Variants in TPM2 observed in about 807,000 individuals in gnomAD.
TPM2 encodes the protein tropomyosin 2, also known as tropomyosin beta chain.
In TPM2, 26 loss-of-function variants were observed where a neutral mutation model predicts 41.0. The ratio of observed to expected loss-of-function variants is 0.63; its 90% CI spans 0.46 to 0.88. The LOEUF (loss-of-function observed/expected upper bound fraction) is 0.88, where lower values mean the gene tolerates loss of function less well. Ranked by LOEUF, TPM2 falls within the 40% of genes least tolerant of loss-of-function variation. The pLI is 0.00. For synonymous variants in TPM2, 143 were observed against 139.3 expected (o/e 1.03, Z -0.19); for missense variants, 187 against 355.2 (o/e 0.53, Z 3.81).
downstream of TPM2, chr9:35,682,451 A>G: frequency 7.6e-7 from 1 of 1,311,522 alleles, no homozygotes. Flanking sequence ...AGGAAGTTGG[A>G]GACAGAAGGT....
Position 35,684,318 on chromosome 9 carries a change from G to A in TPM2, c.703-3C>T. 4 of 1,614,136 alleles carry A rather than the reference G, an allele frequency of 2.5e-6. No homozygotes were observed. Among genetic ancestry groups the A allele is most frequent in the Non-Finnish European group, 3.4e-6 (4 of 1,180,020 alleles). ...GCAAACTCTGCTCGGGTCTCAGCCT[G>A]GGGGTAAAGGCAGGATGGGAGAAAT... On this transcript the variant is annotated splice_polypyrimidine_tract_variant and splice_region_variant and intron_variant, in intron 7 of 8. Coordinates refer to ENST00000645482, the MANE Select transcript of TPM2 (RefSeq NM_003289.4).
downstream of TPM2, chr9:35,682,852 T>G: frequency 7.0e-7 from 1 of 1,431,122 alleles, no homozygotes; most frequent in Non-Finnish European, 9.3e-7. Context: ...TGTCAGTAAG[T>G]GCCAGGGTGT....
Position 35,683,255 on chromosome 9 carries a change from AG to A in TPM2, c.773-15del, listed in dbSNP as rs1563926715. The A allele has an allele frequency of 6.7e-7, 1 of 1,488,560 alleles. No homozygotes were observed. The highest frequency in any genetic ancestry group is 9.1e-7 in the Non-Finnish European group (1 of 1,094,918). 92.2% of individuals were successfully genotyped at this position (1,488,560 alleles called of 1,614,324 possible). On this transcript the variant is annotated splice_polypyrimidine_tract_variant and intron_variant, in intron 8 of 8. Transcript: ENST00000645482. ...CATAGACTTCATCTGGGGGGGGTCC[AG>A]GGAGGGGACCAGGTGGGAGTGTGGG...
Position 35,685,897 on chromosome 9 carries a change from A to G in TPM2, c.241-117T>C. The G allele has an allele frequency of 6.5e-7, 1 of 1,529,702 alleles. No homozygotes were observed. The highest frequency in any genetic ancestry group is 9.0e-7 in the Non-Finnish European group (1 of 1,114,842). The allele number at this position is 1,529,702 out of a possible 1,614,324, so 94.8% of individuals were successfully genotyped here. A position where few individuals can be genotyped will look rare whatever the true frequency, so the allele number is the denominator to read the frequency against. The stretch of plus-strand genomic sequence containing the variant: ...AGAACTGAGGCTTCCTGGTTTCTAG[A>G]CATTCTATGTGATTTTTCCCCAACC... On this transcript the variant is annotated intron_variant, in intron 2 of 8. Transcript: ENST00000645482. This position sits in a 1 kb window ranked among gnomAD's most constrained non-coding sequence, Gnocchi z 5.0.
rs768912812 is a variant in TPM2, at chr9:35,689,197, G to A, written c.189C>T (p.Ser63=). 5.0e-6 allele frequency: 8 copies of A among 1,614,040 alleles called. No homozygotes were observed. Among genetic ancestry groups the A allele is most frequent in the African/African-American group, 2.7e-5 (2 of 74,924 alleles). The part of the protein sequence containing the change: ...TEDEVEKYSE[S]VKEAQEKLEQ... Reference sequence around the variant, plus strand: ...CCAGTTTCTCCTGGGCCTCCTTCACGGATTCAGAATACTTTTCCACCTCAT... The same window carrying A: ...CCAGTTTCTCCTGGGCCTCCTTCACAGATTCAGAATACTTTTCCACCTCAT... Residue 63 remains serine (S), a synonymous_variant, in exon 2 of 9, where the codon TCC becomes TCT. Coordinates refer to ENST00000645482, the MANE Select transcript of TPM2 (RefSeq NM_003289.4).
At chr9:35,682,597 CCTT>C, downstream of TPM2, 1 of 1,256,654 alleles carries the variant, frequency 8.0e-7, no homozygotes, top group Non-Finnish European at 1.0e-6. Context: ...CCTTTTGCAA[CCTT>C]CTTGCCCCTG....
chr9:35,685,943 G>A lies in TPM2; in HGVS notation c.241-163C>T, dbSNP rs557351448. Among the ~76,000 whole-genome samples the A allele has an allele frequency of 6.6e-6, 1 of 152,204 alleles. No individual in the cohort carries two copies. Among genetic ancestry groups the A allele is most frequent in the Non-Finnish European group, 1.5e-5 (1 of 68,036 alleles). ...CAACCAATCATCTTCTGCCCAGACT[G>A]TGCTCCAGTAAAAAATGTGCATTCA... On this transcript the variant is annotated intron_variant, in intron 2 of 8. Coordinates refer to ENST00000645482, the MANE Select transcript of TPM2 (RefSeq NM_003289.4). The surrounding 1 kb of genome is among the most constrained non-coding windows in gnomAD (Gnocchi z 5.0).
At chr9:35,683,993 A>G in intron 8 of TPM2, 1 of 510,846 alleles carries the variant, frequency 2.0e-6, no homozygotes, top group Non-Finnish European at 3.6e-6. Flanking sequence ...TTTGGGGCAG[A>G]GTCAAGGAAT....
rs1554658817 is a variant in TPM2, at chr9:35,684,825, C to CA, written c.564-19_564-18insT. 15 of 1,597,288 alleles carry CA rather than the reference C, an allele frequency of 9.4e-6. No homozygotes were observed. The highest frequency in any genetic ancestry group is 3.3e-5 in the South Asian group (3 of 90,018). The stretch of plus-strand genomic sequence containing the variant: ...CACATTTACTGCAGGGGGTGTGTGG[C>CA]GGGGGGGGCAGGGTGTGAGGGCACA... On this transcript the variant is annotated intron_variant, in intron 5 of 8. Coordinates refer to ENST00000645482, the MANE Select transcript of TPM2 (RefSeq NM_003289.4).
chr9:35,682,912 G>A, downstream of TPM2: 1 of 1,490,980 alleles, frequency 6.7e-7, no homozygotes, highest in African/African-American at 1.4e-5. Context: ...TCTCTGGAGG[G>A]CAGGAAAACA....
intron 6 of TPM2, 50 bp downstream of exon 6, chr9:35,684,682 C>T: frequency 6.2e-7 from 1 of 1,614,064 alleles, no homozygotes; most frequent in Non-Finnish European, 8.5e-7. Flanking sequence ...GGCCCCTCAC[C>T]TCCCTCCCCT....
rs1431432489 is a variant in TPM2, at chr9:35,684,271, C to T, written c.747G>A (p.Leu249=). Residue 249 remains leucine, a synonymous_variant, in exon 8 of 9, where the codon TTG becomes TTA. Coordinates refer to ENST00000645482, the MANE Select transcript of TPM2 (RefSeq NM_003289.4). The part of the protein sequence containing the change: ...AEFAERSVAK[L]EKTIDDLEDE... Reference sequence around the variant, plus strand: ...CTTCTAGGTCATCGATGGTTTTCTCCAACTTTGCCACAGACCTCTCGGCAA... The same window carrying T: ...CTTCTAGGTCATCGATGGTTTTCTCTAACTTTGCCACAGACCTCTCGGCAA... 6 of 1,614,184 alleles carry T rather than the reference C, an allele frequency of 3.7e-6. No individual in the cohort carries two copies. Among genetic ancestry groups the T allele is most frequent in the Non-Finnish European group, 5.1e-6 (6 of 1,180,034 alleles).
At chr9:35,684,829 G>T (rs1824785116) in intron 5 of TPM2, 22 bp from the exon 6 acceptor site, 20 of 1,613,672 alleles carry the variant, frequency 1.2e-5, no homozygotes, top group Non-Finnish European at 1.7e-5. Flanking sequence ...GTGTGGCGGG[G>T]GGGGCAGGGT....
rs372751531 is a variant in TPM2, at chr9:35,689,827, G to A, written c.-10C>T. The A allele has an allele frequency of 1.2e-6, 2 of 1,612,622 alleles. No homozygotes were observed. The highest frequency in any genetic ancestry group is 1.1e-5 in the South Asian group (1 of 91,076). ...TCTTGATGGCGTCCATGGCTGCGGT[G>A]GGGGGTGGGCCGGCCGGCAGGCGGT... On this transcript the variant is annotated 5_prime_UTR_variant, in exon 1 of 9. Coordinates refer to ENST00000645482, the MANE Select transcript of TPM2 (RefSeq NM_003289.4).
chr9:35,686,021 C>T (rs1283230922), intron 2 of TPM2, among the ~76,000 whole-genome samples: 1 of 152,294 alleles, frequency 6.6e-6, no homozygotes, highest in Admixed American at 6.5e-5. Context: ...GAGGCCGAGG[C>T]GGGTGGATCA....
At chr9:35,688,367 T>C (rs1383774543) in intron 2 of TPM2, among the ~76,000 whole-genome samples, 3 of 152,068 alleles carry the variant, frequency 2.0e-5, no homozygotes, top group Non-Finnish European at 4.4e-5. Context: ...GGAAGGAAGA[T>C]GGGGAAACTG....
In TPM2 at chr9:35,684,471, T is replaced by G. The variant is rs1161008624; in HGVS notation, c.702+17A>C. 6.2e-7 allele frequency: 1 copy of G among 1,614,174 alleles called. No homozygotes were observed. Among genetic ancestry groups the G allele is most frequent in the Non-Finnish European group, 8.5e-7 (1 of 1,179,998 alleles). ...GGTGGCTTGAGGGGAGACTGGGAAC[T>G]GGAAGAGGACTCTCACCTCCTTCAG... On this transcript the variant is annotated intron_variant, in intron 7 of 8. Coordinates refer to ENST00000645482, the MANE Select transcript of TPM2 (RefSeq NM_003289.4).
intron 2 of TPM2, chr9:35,686,361 G>A (rs768526198): frequency 7.2e-5 from 12 of 166,402 alleles, no homozygotes; most frequent in Middle Eastern, 6.3e-3. Flanking sequence ...CTGCACACAA[G>A]TCCTCCTGTT....
At chr9:35,689,558 GGCCCT>G (rs1485264928) in intron 1 of TPM2, 141 bp downstream of exon 1, 1 of 1,444,922 alleles carries the variant, frequency 6.9e-7, no homozygotes, top group African/African-American at 1.4e-5. Flanking sequence ...CTCTGGCGAA[GGCCCT>G]GAGGGTACTG....
Sources: gnomAD v4.1 joint callset for allele counts (sites outside exome capture counted in the v4.1 genomes callset) on GRCh38, gnomAD v4.1.1 for gene constraint, Gnocchi (gnomAD v3.1) non-coding constraint, MANE v1.5 for transcripts, NCBI Gene and HGNC (gene_info 2026-07-23, HGNC 2026-07-21) for gene names.